MGLL: variants seen among roughly 807,000 people sequenced by gnomAD.
MGLL encodes monoglyceride lipase.
Under a neutral mutation model 29.1 loss-of-function variants are expected in MGLL, and 7 were observed. The ratio of observed to expected loss-of-function variants is 0.24; its 90% CI spans 0.14 to 0.45. The LOEUF is 0.45. Among genes scored for constraint, MGLL ranks in the 20% least tolerant of loss-of-function variants. The pLI is 0.99. For missense variants in MGLL, 356 were observed against 413.6 expected (o/e 0.86, Z 1.21); for synonymous variants, 148 against 168.3 (o/e 0.88, Z 0.93).
intron 5 of MGLL, among the ~76,000 whole-genome samples, chr3:127,717,497 T>C (rs374181715): frequency 2.0e-5 from 3 of 152,210 alleles, no homozygotes; most frequent in South Asian, 2.1e-4. Context: ...AGACAATGCA[T>C]GTCAGGCACC....
At chr3:127,755,181 A>G (rs1008783379) in intron 3 of MGLL, among the ~76,000 whole-genome samples, 1 of 152,164 alleles carries the variant, frequency 6.6e-6, no homozygotes, top group Non-Finnish European at 1.5e-5. Context: ...GAGAAGATAA[A>G]ACCTGGATTC....
At chr3:127,736,277 G>GAAT (rs1351454743) in intron 3 of MGLL, 1 of 985,590 alleles carries the variant, frequency 1.0e-6, no homozygotes, top group Non-Finnish European at 1.2e-6. Flanking sequence ...TAGGATGTGA[G>GAAT]ATACTATATT....
intron 2 of MGLL, among the ~76,000 whole-genome samples, chr3:127,785,568 G>A (rs2077198410): frequency 6.6e-6 from 1 of 152,276 alleles, no homozygotes; most frequent in African/African-American, 2.4e-5. Context: ...TGAACAGAGA[G>A]CAAAGTTCAG....
chr3:127,778,171 C>T (rs1332185585), intron 3 of MGLL, among the ~76,000 whole-genome samples: 2 of 152,212 alleles, frequency 1.3e-5, no homozygotes, highest in African/African-American at 4.8e-5. Context: ...TTTACAGAAG[C>T]CAGTGTTTCC....
intron 3 of MGLL, among the ~76,000 whole-genome samples, chr3:127,744,625 A>G (rs948137460): frequency 6.6e-6 from 1 of 152,174 alleles, no homozygotes; most frequent in African/African-American, 2.4e-5. Flanking sequence ...TGCCACTAGA[A>G]ACTTCCAGGA....
Position 127,693,059 on chromosome 3 carries a change from G to A in MGLL, c.817-736C>T, listed in dbSNP as rs115702488. ...ACTTCCCTTCTGCCTCTAGACTGCC[G>A]ACCTGCCATCTCCATCCGAATTTCT... On this transcript the variant is annotated intron_variant, in intron 7 of 7. Coordinates refer to ENST00000265052, the MANE Select transcript of MGLL (RefSeq NM_007283.7). 2.8e-3 allele frequency among the ~76,000 whole-genome samples: 429 copies of A among 152,116 alleles called. 2 individuals carry two copies. The highest frequency in any genetic ancestry group is 9.9e-3 in the African/African-American group (412 of 41,488).
intron 3 of MGLL, among the ~76,000 whole-genome samples, chr3:127,778,189 G>A (rs1460829269): frequency 1.3e-5 from 2 of 152,190 alleles, no homozygotes; most frequent in Non-Finnish European, 2.9e-5. Flanking sequence ...TCCATAAATC[G>A]TGTCATAGAA....
intron 6 of MGLL, among the ~76,000 whole-genome samples, chr3:127,701,384 T>C (rs1035272452): frequency 6.6e-6 from 1 of 152,096 alleles, no homozygotes; most frequent in Admixed American, 6.5e-5. Flanking sequence ...CTCCCAAGCC[T>C]GTAGCACCCT....
At chr3:127,722,372 C>T in intron 4 of MGLL, 58 bp downstream of exon 4, 3 of 1,611,234 alleles carry the variant, frequency 1.9e-6, no homozygotes, top group Middle Eastern at 1.9e-4. Context: ...CACCCCCTTC[C>T]CCCTGCAAGG....
At chr3:127,778,972 C>T (rs1394751619) in intron 3 of MGLL, among the ~76,000 whole-genome samples, 3 of 152,072 alleles carry the variant, frequency 2.0e-5, no homozygotes, top group Non-Finnish European at 4.4e-5. Context: ...CTGGGCTGGT[C>T]TCAAACTCCT....
At chr3:127,776,759 C>T (rs899851908) in intron 3 of MGLL, among the ~76,000 whole-genome samples, 1 of 152,234 alleles carries the variant, frequency 6.6e-6, no homozygotes, top group African/African-American at 2.4e-5. Flanking sequence ...GGATGTTCTA[C>T]CCTTAATATT....
chr3:127,783,987 GAC>G (rs2077172811), intron 2 of MGLL: 1 of 152,258 alleles, frequency 6.6e-6, no homozygotes, highest in Non-Finnish European at 1.5e-5. Context: ...AATGCAGACA[GAC>G]AGGTCGTTGA....
intron 6 of MGLL, among the ~76,000 whole-genome samples, chr3:127,703,007 C>T (rs2075527148): frequency 6.6e-6 from 1 of 152,164 alleles, no homozygotes; most frequent in South Asian, 2.1e-4. Flanking sequence ...CCCTAGCATC[C>T]ACTTTTAAGA....
At chr3:127,701,899 A>G (rs1366213843) in intron 6 of MGLL, among the ~76,000 whole-genome samples, 1 of 152,082 alleles carries the variant, frequency 6.6e-6, no homozygotes, top group Non-Finnish European at 1.5e-5. Flanking sequence ...CCTCCTGTGG[A>G]CAGGTGCCCA....
intron 3 of MGLL, among the ~76,000 whole-genome samples, chr3:127,768,053 C>A (rs1028779701): frequency 1.3e-5 from 2 of 152,172 alleles, no homozygotes; most frequent in South Asian, 2.1e-4. Flanking sequence ...AATTTGATGT[C>A]TTGGATGAAA....
At chr3:127,821,303 CA>C (rs2077855199) in intron 2 of MGLL, among the ~76,000 whole-genome samples, 1 of 152,102 alleles carries the variant, frequency 6.6e-6, no homozygotes, top group Admixed American at 6.5e-5. Context: ...GAAAAGTGAG[CA>C]AAGGTGAAGA....
At chr3:127,801,508 T>C (rs192368370) in intron 2 of MGLL, among the ~76,000 whole-genome samples, 28 of 138,996 alleles carry the variant, frequency 2.0e-4, no homozygotes, top group African/African-American at 7.5e-4. Flanking sequence ...CTCAGCTACT[T>C]GGGAGGCTGA....
intron 2 of MGLL, among the ~76,000 whole-genome samples, chr3:127,794,403 T>C (rs2077349437): frequency 6.6e-6 from 1 of 152,198 alleles, no homozygotes; most frequent in African/African-American, 2.4e-5. Context: ...TCTATTATGA[T>C]GCCAAACTGT....
At chr3:127,789,033 G>A (rs2077260135) in intron 2 of MGLL, among the ~76,000 whole-genome samples, 1 of 152,196 alleles carries the variant, frequency 6.6e-6, no homozygotes, top group Non-Finnish European at 1.5e-5. Flanking sequence ...TGGCTAGAGA[G>A]GCTTCTTGTG....
Sources: allele counts gnomAD v4.1 joint callset (sites outside exome capture counted in the v4.1 genomes callset), GRCh38; gene constraint gnomAD v4.1.1; transcripts MANE v1.5; gene names NCBI Gene and HGNC (gene_info 2026-07-23, HGNC 2026-07-21).